MYO5A: variants seen among roughly 807,000 people sequenced by gnomAD.
MYO5A encodes myosin VA, also known as unconventional myosin-Va.
A neutral mutation model predicts 249.7 loss-of-function variants in MYO5A; 98 were observed. That is an observed-to-expected ratio of 0.39 (90% CI 0.33 to 0.46). The LOEUF is 0.46. Among genes scored for constraint, MYO5A ranks in the 20% least tolerant of loss-of-function variants. The pLI is 0.98. For missense variants in MYO5A, 1,696 were observed against 2,308.8 expected (o/e 0.73, Z 5.44); for synonymous variants, 778 against 810.6 (o/e 0.96, Z 0.68).
intron 34 of MYO5A, among the ~76,000 whole-genome samples, chr15:52,333,071 C>T (rs2038962733): frequency 1.3e-5 from 2 of 152,194 alleles, no homozygotes; most frequent in Admixed American, 6.5e-5. Context: ...AGCAACAAGG[C>T]ACCTGCCATC....
intron 4 of MYO5A, among the ~76,000 whole-genome samples, chr15:52,417,138 A>T (rs1180239041): frequency 1.3e-5 from 2 of 152,238 alleles, no homozygotes; most frequent in African/African-American, 4.8e-5. Flanking sequence ...ACACAGAGGA[A>T]GAAGATATCA....
Position 52,351,259 on chromosome 15 carries a change from G to A in MYO5A, c.3844C>T (p.Pro1282Ser), listed in dbSNP as rs1261993244. The change falls in exon 28 of 42, where the codon CCC (proline) becomes TCC (serine). Residue 1282 changes from proline to serine, a missense_variant. Physicochemically the swap from Pro to Ser is moderately conservative, Grantham distance 74. Transcript: ENST00000399233. ...QLVSQKEAIQPKDDKNTMTDS... is the reference protein window; with the variant it reads ...QLVSQKEAIQSKDDKNTMTDS... ...AATTGTGTGCTTGCGCTTACCTTGG[G>A]TTGGATGGCCTCTTTCTGGCTCACC... The A allele has an allele frequency of 6.2e-7, 1 of 1,613,876 alleles. No homozygotes were observed. The highest frequency in any genetic ancestry group is 8.5e-7 in the Non-Finnish European group (1 of 1,179,924).
chr15:52,420,992 T>C (rs143259248), intron 4 of MYO5A, among the ~76,000 whole-genome samples: 1 of 152,324 alleles, frequency 6.6e-6, no homozygotes, highest in African/African-American at 2.4e-5. Flanking sequence ...GCTCCAGGGA[T>C]ATAATGAGGA....
At chr15:52,371,452 G>C (rs977343095) in intron 21 of MYO5A, among the ~76,000 whole-genome samples, 1 of 152,144 alleles carries the variant, frequency 6.6e-6, no homozygotes, top group Non-Finnish European at 1.5e-5. Context: ...GATACCACAT[G>C]AAAATAAATG....
Position 52,391,992 on chromosome 15 carries a change from G to T in MYO5A, c.1480C>A (p.Pro494Thr). 6.2e-7 allele frequency: 1 copy of T among 1,611,214 alleles called. No homozygotes were observed. Among genetic ancestry groups the T allele is most frequent in the Non-Finnish European group, 8.5e-7 (1 of 1,178,052 alleles). ...TTTGATTCTATAAGATTAATACAAGGCTGATTATCATAAAAATCTATGAGT... is the reference window on the plus strand; with the variant it reads ...TTTGATTCTATAAGATTAATACAAGTCTGATTATCATAAAAATCTATGAGT... Reference protein sequence around the residue: ...WTLIDFYDNQPCINLIESKLG... With the variant: ...WTLIDFYDNQTCINLIESKLG... Residue 494 changes from proline to threonine, a missense_variant, in exon 12 of 42, where the codon CCT becomes ACT. Coordinates refer to ENST00000399233, the MANE Select transcript of MYO5A (RefSeq NM_001382347.1).
At chr15:52,470,449 C>T (rs1475559387) in intron 1 of MYO5A, among the ~76,000 whole-genome samples, 3 of 151,670 alleles carry the variant, frequency 2.0e-5, no homozygotes, top group Non-Finnish European at 4.4e-5. Flanking sequence ...GTGGGGAGTT[C>T]GAGAACACCC....
intron 1 of MYO5A, among the ~76,000 whole-genome samples, chr15:52,525,359 A>G (rs1009815289): frequency 2.6e-5 from 4 of 152,230 alleles, no homozygotes; most frequent in African/African-American, 9.6e-5. Context: ...TCGTTTCCAG[A>G]CAAGTATCCC....
At chr15:52,464,825 T>C (rs756824552) in intron 1 of MYO5A, among the ~76,000 whole-genome samples, 10 of 152,230 alleles carry the variant, frequency 6.6e-5, no homozygotes, top group Non-Finnish European at 1.5e-4. Context: ...AGTCTTTTAA[T>C]CATAAACAAA....
chr15:52,488,457 A>G (rs2076868976), intron 1 of MYO5A, among the ~76,000 whole-genome samples: 1 of 152,168 alleles, frequency 6.6e-6, no homozygotes, highest in African/African-American at 2.4e-5. Context: ...AAATATGTGA[A>G]CTCTAAAGCA....
chr15:52,524,302 T>G (rs1423090059), intron 1 of MYO5A, among the ~76,000 whole-genome samples: 4 of 152,016 alleles, frequency 2.6e-5, no homozygotes, highest in Non-Finnish European at 5.9e-5. Context: ...GTCTGTAATC[T>G]CAACACTTTG....
chr15:52,440,269 T>C (rs1448830327), intron 1 of MYO5A, among the ~76,000 whole-genome samples: 1 of 143,526 alleles, frequency 7.0e-6, no homozygotes, highest in African/African-American at 2.5e-5. Context: ...TTTTTTTCTT[T>C]TTCTTTTTTT....
In MYO5A at chr15:52,425,563, T is replaced by A. The variant is rs918459820; in HGVS notation, c.455+267A>T. ...TTAGTAGAGGCGGGGTTTCGCCATG[T>A]TGGCCAGGCTAGTCTCGAACTCCTG... On this transcript the variant is annotated intron_variant, in intron 4 of 41. Coordinates refer to ENST00000399233, the MANE Select transcript of MYO5A (RefSeq NM_001382347.1). Among the ~76,000 whole-genome samples, 4 of 152,200 alleles carry A rather than the reference T, an allele frequency of 2.6e-5. No individual in the cohort carries two copies. In the East Asian group the frequency reaches 7.7e-4, roughly 29 times the overall value.
intron 8 of MYO5A, among the ~76,000 whole-genome samples, chr15:52,405,788 C>CAGTA (rs1261413173): frequency 2.6e-5 from 4 of 152,334 alleles, no homozygotes; most frequent in African/African-American, 9.6e-5. Context: ...ACATGACACA[C>CAGTA]AGTAAGTGCT....
At chr15:52,446,776 G>A (rs553342814) in intron 1 of MYO5A, among the ~76,000 whole-genome samples, 21 of 152,216 alleles carry the variant, frequency 1.4e-4, no homozygotes, top group Non-Finnish European at 2.2e-4. Flanking sequence ...TGGATGGGAC[G>A]TGTAGTCAAA....
intron 39 of MYO5A, among the ~76,000 whole-genome samples, chr15:52,318,735 G>A (rs1197241853): frequency 6.6e-6 from 1 of 152,104 alleles, no homozygotes; most frequent in Non-Finnish European, 1.5e-5. Context: ...CACACATAAG[G>A]AGAGGAAGCA....
intron 39 of MYO5A, among the ~76,000 whole-genome samples, 200 bp from the exon 40 acceptor site, chr15:52,317,422 A>G (rs1180768239): frequency 6.6e-6 from 1 of 152,256 alleles, no homozygotes; most frequent in African/African-American, 2.4e-5. Context: ...ATAAGACTAA[A>G]TGACAAGATA....
At chr15:52,502,289 T>TAC (rs1292010725) in intron 1 of MYO5A, among the ~76,000 whole-genome samples, 1 of 149,350 alleles carries the variant, frequency 6.7e-6, no homozygotes, top group Non-Finnish European at 1.5e-5. Flanking sequence ...TCCCAATACA[T>TAC]ATATACATAC....
chr15:52,503,194 T>TC (rs1486078859), intron 1 of MYO5A, among the ~76,000 whole-genome samples: 3 of 152,226 alleles, frequency 2.0e-5, no homozygotes, highest in African/African-American at 7.2e-5. Context: ...TTTGAATGTT[T>TC]CTAGCATAAA....
chr15:52,385,686 T>A (rs2041946281), intron 14 of MYO5A, among the ~76,000 whole-genome samples: 1 of 152,140 alleles, frequency 6.6e-6, no homozygotes, highest in Non-Finnish European at 1.5e-5. Context: ...AAAATAATTC[T>A]ACTCAAAACA....
Sources: gnomAD v4.1 joint callset for allele counts (sites outside exome capture counted in the v4.1 genomes callset) on GRCh38, gnomAD v4.1.1 for gene constraint, MANE v1.5 for transcripts, NCBI Gene and HGNC (gene_info 2026-07-23, HGNC 2026-07-21) for gene names.